DEPTOR: variants seen among roughly 807,000 people sequenced by gnomAD.
The protein encoded by DEPTOR is DEP domain containing MTOR interacting protein.
A neutral mutation model predicts 41.6 loss-of-function variants in DEPTOR; 41 were observed. That is an observed-to-expected ratio of 0.98 (90% CI 0.77 to 1.28). DEPTOR has a LOEUF of 1.28. Ranked by LOEUF, DEPTOR falls within the 50% of genes most tolerant of loss-of-function variation. The pLI is 0.00. For synonymous variants in DEPTOR, 195 were observed against 192.3 expected (o/e 1.01, Z -0.12); for missense variants, 514 against 527.9 (o/e 0.97, Z 0.26).
chr8:119,925,053 A>G (rs754921538), intron 1 of DEPTOR, among the ~76,000 whole-genome samples: 2 of 152,308 alleles, frequency 1.3e-5, no homozygotes, highest in Middle Eastern at 3.4e-3. Context: ...AGGAAGATAC[A>G]TGGCCGTGGG....
chr8:119,917,026 C>T (rs918416909), intron 1 of DEPTOR, among the ~76,000 whole-genome samples: 6 of 152,154 alleles, frequency 3.9e-5, no homozygotes, highest in Admixed American at 1.3e-4. Context: ...CAGCCTTGGC[C>T]TCCAAAGTGC....
Position 119,883,392 on chromosome 8 carries a change from G to A in DEPTOR, c.122+9424G>A, listed in dbSNP as rs904008750. Among the ~76,000 whole-genome samples the A allele has an allele frequency of 1.6e-4, 24 of 150,068 alleles. 1 individual carries two copies. The South Asian group carries it at 3.4e-3, about 21-fold the overall frequency. ...CAGGAGACTGAGGCAGGAGAATGGCGTGAACCCGGGAGGTGGAGGTTGCAG... is the reference window on the plus strand; with the variant it reads ...CAGGAGACTGAGGCAGGAGAATGGCATGAACCCGGGAGGTGGAGGTTGCAG... On this transcript the variant is annotated intron_variant, in intron 1 of 8. Transcript: ENST00000286234.
chr8:119,922,898 G>T (rs1215938197), intron 1 of DEPTOR, among the ~76,000 whole-genome samples: 1 of 152,196 alleles, frequency 6.6e-6, no homozygotes, highest in African/African-American at 2.4e-5. Context: ...AATGTAGCAG[G>T]CCCTGGTGGG....
intron 1 of DEPTOR, among the ~76,000 whole-genome samples, chr8:119,888,149 A>T (rs1237588350): frequency 6.6e-6 from 1 of 152,062 alleles, no homozygotes; most frequent in East Asian, 1.9e-4. Context: ...TTACTACAAC[A>T]ATTAATTTAA....
At chr8:119,970,226 G>A (rs560649844) in intron 4 of DEPTOR, among the ~76,000 whole-genome samples, 2 of 152,150 alleles carry the variant, frequency 1.3e-5, no homozygotes, top group Admixed American at 1.3e-4. Context: ...AAAGGCATTA[G>A]GCTACTTTAT....
chr8:119,988,968 T>TC (rs1828865503), intron 4 of DEPTOR, among the ~76,000 whole-genome samples: 3 of 143,928 alleles, frequency 2.1e-5, no homozygotes, highest in African/African-American at 7.6e-5. Context: ...CTTTTTTTTT[T>TC]TTTTTTTTTT....
intron 3 of DEPTOR, among the ~76,000 whole-genome samples, chr8:119,964,552 G>T (rs939883887): frequency 1.4e-5 from 2 of 140,894 alleles, no homozygotes; most frequent in African/African-American, 5.4e-5. Context: ...AAAAAAATTA[G>T]TGAGGACACA....
At chr8:119,883,605 C>T (rs1026892174) in intron 1 of DEPTOR, among the ~76,000 whole-genome samples, 2 of 151,906 alleles carry the variant, frequency 1.3e-5, no homozygotes, top group Non-Finnish European at 2.9e-5. Flanking sequence ...GTGGCAGCTG[C>T]AGAGGAGGAG....
At chr8:119,918,965 GTATGTGTA>G (rs1827855593) in intron 1 of DEPTOR, among the ~76,000 whole-genome samples, 2 of 86,106 alleles carry the variant, frequency 2.3e-5, no homozygotes, top group African/African-American at 4.4e-5. Context: ...GTGTGTGTGT[GTATGTGTA>G]TGTGTGTGTG....
chr8:119,928,639 A>G (rs1433317304), intron 2 of DEPTOR, 61 bp downstream of exon 2: 1 of 1,532,378 alleles, frequency 6.5e-7, no homozygotes, highest in East Asian at 2.3e-5. Flanking sequence ...TCTTTTCATG[A>G]ACATACCCAC....
intron 3 of DEPTOR, among the ~76,000 whole-genome samples, 186 bp downstream of exon 3, chr8:119,930,124 A>C (rs1563968818): frequency 6.6e-6 from 1 of 152,220 alleles, no homozygotes; most frequent in African/African-American, 2.4e-5. Context: ...CAATTTCATA[A>C]GGTTCTTAAT....
chr8:119,986,880 A>G (rs1222904159), intron 4 of DEPTOR, among the ~76,000 whole-genome samples: 1 of 151,688 alleles, frequency 6.6e-6, no homozygotes, highest in Non-Finnish European at 1.5e-5. Flanking sequence ...CAGCTTTATC[A>G]GGTTATATAT....
intron 8 of DEPTOR, among the ~76,000 whole-genome samples, chr8:120,047,690 T>A (rs1048981867): frequency 4.1e-5 from 6 of 145,754 alleles, no homozygotes. Flanking sequence ...TTTCTAAATT[T>A]TAAATGCTGG....
At chr8:119,931,726 G>A (rs962019711) in intron 3 of DEPTOR, among the ~76,000 whole-genome samples, 2 of 152,122 alleles carry the variant, frequency 1.3e-5, no homozygotes, top group Non-Finnish European at 2.9e-5. Flanking sequence ...TTGAATGGAA[G>A]GGATCCATCA....
intron 4 of DEPTOR, among the ~76,000 whole-genome samples, chr8:119,999,959 C>T (rs72673678): frequency 0.24 from 36,466 of 151,974 alleles, 4,877 homozygotes; most frequent in Non-Finnish European, 0.29. Flanking sequence ...CACTCACACA[C>T]ACAAATCAGT....
intron 8 of DEPTOR, among the ~76,000 whole-genome samples, chr8:120,029,607 G>T (rs1812854264): frequency 2.6e-5 from 4 of 152,260 alleles, no homozygotes; most frequent in South Asian, 2.1e-4. Context: ...TATTGGTCAG[G>T]CTGGTCTTGA....
Position 120,009,034 on chromosome 8 carries a change from T to C in DEPTOR, c.1002T>C (p.Val334=). 6.2e-7 allele frequency: 1 copy of C among 1,614,038 alleles called. No homozygotes were observed. The highest frequency in any genetic ancestry group is 8.5e-7 in the Non-Finnish European group (1 of 1,180,008). ...ATTGTGGTTTTCCTCTCTAGATTGT[T>C]GGTGACGCGGTTGGCTGGGGTTTTG... ...APYARKTFTI[V]GDAVGWGFVV... The change falls in exon 8 of 9, where the codon GTT becomes GTC. Residue 334 remains valine, a synonymous_variant. Coordinates refer to ENST00000286234, the MANE Select transcript of DEPTOR (RefSeq NM_022783.4).
At chr8:119,924,810 G>A (rs1009578720) in intron 1 of DEPTOR, among the ~76,000 whole-genome samples, 1 of 152,070 alleles carries the variant, frequency 6.6e-6, no homozygotes, top group African/African-American at 2.4e-5. Flanking sequence ...TATTGCAGGG[G>A]TTTGGCGTAC....
chr8:119,980,511 TTCTC>T (rs1395499312), intron 4 of DEPTOR, among the ~76,000 whole-genome samples: 5 of 138,694 alleles, frequency 3.6e-5, no homozygotes, highest in African/African-American at 1.3e-4. Flanking sequence ...TTCTTTTCTT[TTCTC>T]TCTTTGTGTT....
Sources: allele counts gnomAD v4.1 joint callset (sites outside exome capture counted in the v4.1 genomes callset), GRCh38; gene constraint gnomAD v4.1.1; transcripts MANE v1.5; gene names NCBI Gene and HGNC (gene_info 2026-07-23, HGNC 2026-07-21).